CACHD1: variants seen among roughly 807,000 people sequenced by gnomAD.
CACHD1 encodes VWFA and cache domain-containing protein 1.
In CACHD1, 71 loss-of-function variants were observed where a neutral mutation model predicts 138.7. The observed-to-expected ratio is 0.51, with a 90% confidence interval of 0.42 to 0.62. CACHD1 has a LOEUF of 0.62. Ranked by LOEUF, CACHD1 falls within the 20% of genes least tolerant of loss-of-function variation. The probability of loss-of-function intolerance (pLI) is 0.00; values close to 1 mark genes in which losing one functional copy is unlikely to be tolerated. For missense variants in CACHD1, 1,389 were observed against 1,625.3 expected, an observed-to-expected ratio of 0.85 and a Z score of 2.50; for synonymous variants, 578 against 591.5, an observed-to-expected ratio of 0.98 and a Z score of 0.33.
At chr1:64,581,326 C>G (rs898151059) in intron 2 of CACHD1, among the ~76,000 whole-genome samples, 7 of 152,160 alleles carry the variant, frequency 4.6e-5, no homozygotes, top group African/African-American at 1.7e-4. Flanking sequence ...AATAGCACTA[C>G]AAAACCAATT....
chr1:64,668,339 A>T (rs12138556), intron 16 of CACHD1, among the ~76,000 whole-genome samples: 3,653 of 151,152 alleles, frequency 0.024, 70 homozygotes, highest in Non-Finnish European at 0.039. Flanking sequence ...AAAAAAAAAA[A>T]AAGAAAAAGA....
intron 1 of CACHD1, among the ~76,000 whole-genome samples, chr1:64,480,486 G>A (rs889534196): frequency 6.6e-6 from 1 of 151,986 alleles, no homozygotes; most frequent in Admixed American, 6.6e-5. Context: ...TAAACTTAAA[G>A]CTGATGGTCT....
chr1:64,681,367 G>T (rs937623248), intron 25 of CACHD1, 32 bp downstream of exon 25: 26 of 1,500,792 alleles, frequency 1.7e-5, no homozygotes, highest in Non-Finnish European at 2.1e-5. Context: ...TGCAGAATGT[G>T]TCAGCAGGAG....
intron 4 of CACHD1, among the ~76,000 whole-genome samples, chr1:64,606,883 C>T (rs780071292): frequency 2.0e-5 from 3 of 152,066 alleles, no homozygotes; most frequent in Admixed American, 6.5e-5. Flanking sequence ...AGATCCTTGG[C>T]CTTACAAGGA....
rs997062229 is a variant in CACHD1 at position 64,681,437 on chromosome 1, G to A, written c.3484+102G>A. 4 of 881,834 alleles carry A rather than the reference G, an allele frequency of 4.5e-6. No individual in the cohort carries two copies. The African/African-American group carries it at 6.9e-5, about 15-fold the overall frequency. 54.6% of individuals were successfully genotyped at this position (881,834 alleles called of 1,614,324 possible). A position where few individuals can be genotyped will look rare whatever the true frequency, so the allele number is the denominator to read the frequency against. On this transcript the variant is annotated intron_variant, in intron 25 of 26. Transcript: ENST00000651257. ...TTTGGCTTGTATTAAAATTTAAGAA[G>A]CTTTGACACGGTGGCTGGGTTTTTT... is the stretch of plus-strand genomic sequence containing the variant.
chr1:64,641,714 A>T, intron 7 of CACHD1, 106 bp from the exon 8 acceptor site: 1 of 764,954 alleles, frequency 1.3e-6, no homozygotes. Flanking sequence ...ACCGTGGGCT[A>T]GGCAAGTCCT....
At chr1:64,532,465 A>G (rs1401759656) in intron 1 of CACHD1, among the ~76,000 whole-genome samples, 1 of 152,198 alleles carries the variant, frequency 6.6e-6, no homozygotes, top group Admixed American at 6.5e-5. Flanking sequence ...GCATTTGAGC[A>G]GAGGCCTGGA....
intron 23 of CACHD1, among the ~76,000 whole-genome samples, chr1:64,678,606 G>T (rs1010860781): frequency 6.6e-6 from 1 of 152,190 alleles, no homozygotes; most frequent in African/African-American, 2.4e-5. Context: ...AGTCTGTTTG[G>T]ATATGCACGC....
At chr1:64,623,864 G>A (rs889641580) in intron 4 of CACHD1, among the ~76,000 whole-genome samples, 15 of 152,208 alleles carry the variant, frequency 9.9e-5, no homozygotes, top group East Asian at 1.9e-4. Flanking sequence ...GTGCATCACC[G>A]CTTAATGGGT....
At chr1:64,570,375 T>A (rs1347637050) in intron 2 of CACHD1, among the ~76,000 whole-genome samples, 1 of 152,198 alleles carries the variant, frequency 6.6e-6, no homozygotes, top group African/African-American at 2.4e-5. Flanking sequence ...CATGTTGAAA[T>A]AGCTGTTCAT....
chr1:64,552,155 C>T (rs1372313710), intron 2 of CACHD1, among the ~76,000 whole-genome samples: 1 of 151,570 alleles, frequency 6.6e-6, no homozygotes, highest in South Asian at 2.1e-4. Context: ...AAAGTTTTTT[C>T]CCCCCACCCC....
intron 1 of CACHD1, among the ~76,000 whole-genome samples, chr1:64,512,262 T>G (rs1646426380): frequency 6.6e-6 from 1 of 151,880 alleles, no homozygotes. Context: ...GTCATGGTGG[T>G]GCACACCTGT....
intron 3 of CACHD1, among the ~76,000 whole-genome samples, chr1:64,586,770 A>C (rs1647054825): frequency 6.6e-6 from 1 of 152,156 alleles, no homozygotes; most frequent in Admixed American, 6.5e-5. Flanking sequence ...TTTTAATGTA[A>C]ATGTAGCTAA....
rs1192567243 is a variant in CACHD1, at chr1:64,594,955, C to G, written c.411-7851C>G. ...GATGATGTAGATATCTGTCTTTACA[C>G]TCTAGCTTTATTAACTTGTTAACAT... On this transcript the variant is annotated intron_variant, in intron 3 of 26. Coordinates refer to ENST00000651257, the MANE Select transcript of CACHD1 (RefSeq NM_020925.4). 2.6e-5 allele frequency among the ~76,000 whole-genome samples: 4 copies of G among 152,212 alleles called. No homozygotes were observed. In the South Asian group the frequency reaches 8.3e-4, roughly 32 times the overall value.
chr1:64,687,674 T>C (rs1342371540), intron 26 of CACHD1, among the ~76,000 whole-genome samples: 2 of 152,116 alleles, frequency 1.3e-5, no homozygotes, highest in African/African-American at 2.4e-5. Flanking sequence ...GAGTCCAGTG[T>C]ATCCTAGAAT....
chr1:64,484,307 G>A (rs1646228607), intron 1 of CACHD1, among the ~76,000 whole-genome samples: 1 of 152,020 alleles, frequency 6.6e-6, no homozygotes, highest in African/African-American at 2.4e-5. Flanking sequence ...GAGCCAACCA[G>A]GGGAGCGGTT....
intron 1 of CACHD1, among the ~76,000 whole-genome samples, chr1:64,539,680 T>C (rs1240653663): frequency 6.6e-6 from 1 of 152,232 alleles, no homozygotes; most frequent in South Asian, 2.1e-4. Flanking sequence ...TTTCCTGTTA[T>C]ACCCTCTCTT....
chr1:64,676,971 C>G lies in CACHD1; in HGVS notation c.3052C>G (p.Gln1018Glu), dbSNP rs1378467519. Reference protein sequence around the residue: ...IDPGLQDALHQCVNSRCSQRL... With the variant: ...IDPGLQDALHECVNSRCSQRL... ...CCCTGGCCTGCAAGATGCTCTTCAC[C>G]AGTGTGTCAACAGCAGGTGCAGTCA... Residue 1018 changes from glutamine (Q) to glutamate (E), a missense_variant, in exon 22 of 27, where the codon CAG (glutamine) becomes GAG (glutamate). By Grantham distance (29) the Gln-to-Glu change is conservative (BLOSUM62 2). Coordinates refer to ENST00000651257, the MANE Select transcript of CACHD1 (RefSeq NM_020925.4). 1 of 1,613,928 alleles carries G rather than the reference C, an allele frequency of 6.2e-7. No individual in the cohort carries two copies. The highest frequency in any genetic ancestry group is 8.5e-7 in the Non-Finnish European group (1 of 1,179,906).
rs142363038 is a variant in CACHD1, at chr1:64,679,647, G to C, written c.3297G>C (p.Val1099=). Residue 1099 remains valine, a synonymous_variant, in exon 24 of 27, where the codon GTG becomes GTC. Transcript: ENST00000651257. ...TTAAAAGCGCCCCTGTGGGTCCTGT[G>C]GCTGGAGGGATCATGGGATGCATCA... is the stretch of plus-strand genomic sequence containing the variant. ...NMIKSAPVGP[V]AGGIMGCIMV... 2.4e-5 allele frequency: 39 copies of C among 1,614,084 alleles called. No homozygotes were observed. The African/African-American group carries it at 4.9e-4, about 20-fold the overall frequency.
Sources: allele counts gnomAD v4.1 joint callset (sites outside exome capture counted in the v4.1 genomes callset), GRCh38; gene constraint gnomAD v4.1.1; transcripts MANE v1.5; gene names NCBI Gene and HGNC (gene_info 2026-07-23, HGNC 2026-07-21).